MDGA2: variants seen among roughly 807,000 people sequenced by gnomAD.
The protein encoded by MDGA2 is MAM domain containing glycosylphosphatidylinositol anchor 2.
Under a neutral mutation model 117.8 loss-of-function variants are expected in MDGA2, and 40 were observed. The observed-to-expected ratio is 0.34, with a 90% CI of 0.26 to 0.44. The LOEUF (loss-of-function observed/expected upper bound fraction) is 0.44. Ranked by LOEUF, MDGA2 falls within the 20% of genes least tolerant of loss-of-function variation. The probability of loss-of-function intolerance (pLI) is 1.00; values close to 1 mark genes in which losing one functional copy is unlikely to be tolerated. For synonymous variants in MDGA2, 452 were observed against 439.0 expected (o/e 1.03, Z -0.37); for missense variants, 1,123 against 1,250.6 (o/e 0.90, Z 1.54).
intron 1 of MDGA2, among the ~76,000 whole-genome samples, chr14:47,637,485 A>T (rs1427722328): frequency 6.6e-6 from 1 of 152,238 alleles, no homozygotes; most frequent in African/African-American, 2.4e-5. Flanking sequence ...TTGTCACTTA[A>T]AATAACCAGT....
At chr14:47,307,029 G>T (rs1251809077) in intron 1 of MDGA2, among the ~76,000 whole-genome samples, 1 of 152,090 alleles carries the variant, frequency 6.6e-6, no homozygotes, top group African/African-American at 2.4e-5. Context: ...GCTTTCTATT[G>T]ATTTAAGTGA....
intron 9 of MDGA2, among the ~76,000 whole-genome samples, chr14:46,938,130 T>G (rs1202576085): frequency 6.6e-6 from 1 of 152,106 alleles, no homozygotes; most frequent in East Asian, 1.9e-4. Context: ...ATTTTTTAAA[T>G]GGGCTAATGA....
chr14:47,538,543 C>T (rs996232452), intron 1 of MDGA2, among the ~76,000 whole-genome samples: 9 of 152,174 alleles, frequency 5.9e-5, no homozygotes, highest in African/African-American at 2.2e-4. Context: ...AACACAACAA[C>T]TCTTGATTGG....
intron 1 of MDGA2, among the ~76,000 whole-genome samples, chr14:47,454,329 T>C (rs1302924792): frequency 6.6e-6 from 1 of 152,052 alleles, no homozygotes; most frequent in Non-Finnish European, 1.5e-5. Context: ...GAAGGGGAAG[T>C]TGGGTGAAAA....
chr14:47,001,080 T>G (rs1887514907), intron 8 of MDGA2, among the ~76,000 whole-genome samples: 1 of 152,016 alleles, frequency 6.6e-6, no homozygotes, highest in African/African-American at 2.4e-5. Flanking sequence ...AGTCAGGAAG[T>G]CAATTGCATT....
chr14:46,891,851 A>T (rs1401766125), intron 10 of MDGA2, among the ~76,000 whole-genome samples: 1 of 151,528 alleles, frequency 6.6e-6, no homozygotes, highest in Non-Finnish European at 1.5e-5. Context: ...TATCATAATA[A>T]ATATTTTAAG....
intron 8 of MDGA2, among the ~76,000 whole-genome samples, chr14:46,974,651 G>A (rs1221233653): frequency 1.3e-5 from 2 of 152,142 alleles, no homozygotes; most frequent in African/African-American, 2.4e-5. Flanking sequence ...AACAAATGGT[G>A]TTGTGAAAAC....
chr14:47,276,298 T>C (rs1594767810), intron 2 of MDGA2, among the ~76,000 whole-genome samples: 2 of 152,288 alleles, frequency 1.3e-5, no homozygotes, highest in South Asian at 4.1e-4. Flanking sequence ...TTGGAAATGA[T>C]AAATTGATTA....
At chr14:47,071,186 T>G (rs1890266865) in intron 6 of MDGA2, among the ~76,000 whole-genome samples, 1 of 152,166 alleles carries the variant, frequency 6.6e-6, no homozygotes, top group Admixed American at 6.5e-5. Context: ...CACCCCAGTA[T>G]GTTGCTCAAA....
chr14:47,596,487 T>C (rs1896544949), intron 1 of MDGA2, among the ~76,000 whole-genome samples: 1 of 152,186 alleles, frequency 6.6e-6, no homozygotes. Flanking sequence ...AAAAGTATCA[T>C]GCACGTGACG....
chr14:46,894,848 G>A (rs1210165335), intron 10 of MDGA2, among the ~76,000 whole-genome samples: 1 of 152,090 alleles, frequency 6.6e-6, no homozygotes, highest in Non-Finnish European at 1.5e-5. Flanking sequence ...TACTATGAAA[G>A]AAAAACTTGC....
At chr14:47,597,266 C>A (rs976849607) in intron 1 of MDGA2, among the ~76,000 whole-genome samples, 1 of 151,958 alleles carries the variant, frequency 6.6e-6, no homozygotes, top group African/African-American at 2.4e-5. Flanking sequence ...ATTGGGTAAT[C>A]AATAAATGAT....
intron 1 of MDGA2, among the ~76,000 whole-genome samples, chr14:47,436,926 T>C (rs1483684001): frequency 6.6e-6 from 1 of 152,136 alleles, no homozygotes; most frequent in Non-Finnish European, 1.5e-5. Flanking sequence ...AGTTCTCCTC[T>C]GTGTGTTCAT....
chr14:47,282,107 T>C (rs73238714), intron 2 of MDGA2, among the ~76,000 whole-genome samples: 29,115 of 151,254 alleles, frequency 0.19, 3,085 homozygotes, highest in South Asian at 0.29. Context: ...CTTGAAATGA[T>C]GTTTGTATAG....
At chr14:47,452,272 A>C (rs574390198) in intron 1 of MDGA2, among the ~76,000 whole-genome samples, 1 of 152,230 alleles carries the variant, frequency 6.6e-6, no homozygotes, top group Non-Finnish European at 1.5e-5. Flanking sequence ...AAGGGATCCA[A>C]TAAATAGATT....
intron 1 of MDGA2, among the ~76,000 whole-genome samples, chr14:47,404,824 G>T (rs976901768): frequency 7.9e-5 from 12 of 152,060 alleles, no homozygotes; most frequent in African/African-American, 2.9e-4. Context: ...TAATAGGATT[G>T]TTGGTTTATT....
intron 11 of MDGA2, among the ~76,000 whole-genome samples, chr14:46,879,365 C>T (rs1882357449): frequency 6.6e-6 from 1 of 152,026 alleles, no homozygotes; most frequent in Non-Finnish European, 1.5e-5. Flanking sequence ...GTTGTTTAAG[C>T]CTCCCACTAT....
intron 14 of MDGA2, among the ~76,000 whole-genome samples, chr14:46,857,204 T>G (rs1230738189): frequency 2.6e-5 from 4 of 152,212 alleles, no homozygotes; most frequent in African/African-American, 9.6e-5. Flanking sequence ...TTCCACTTAT[T>G]TCCATTTCTG....
At chr14:47,360,147 T>C (rs960408167) in intron 1 of MDGA2, among the ~76,000 whole-genome samples, 1 of 151,152 alleles carries the variant, frequency 6.6e-6, no homozygotes, top group Non-Finnish European at 1.5e-5. Context: ...AGGTATGGAG[T>C]TCGAGACCAG....
Sources: allele counts gnomAD v4.1 joint callset (sites outside exome capture counted in the v4.1 genomes callset), GRCh38; gene constraint gnomAD v4.1.1; transcripts MANE v1.5; gene names NCBI Gene and HGNC (gene_info 2026-07-23, HGNC 2026-07-21).